The following MAP3K5 variants were observed in gnomAD, a reference collection of about 807,000 sequenced individuals.
The protein encoded by MAP3K5 is ASK-1.
MAP3K5 carries 56 observed loss-of-function variants against 158.7 expected under a neutral mutation model. The ratio of observed to expected loss-of-function variants is 0.35; its 90% confidence interval spans 0.28 to 0.44. The LOEUF (loss-of-function observed/expected upper bound fraction) is 0.44. Among genes scored for constraint, MAP3K5 ranks in the 20% least tolerant of loss-of-function variants. The pLI, the probability that MAP3K5 is intolerant of heterozygous loss-of-function variation, is 1.00. For synonymous variants in MAP3K5, 579 were observed against 601.7 expected, an observed-to-expected ratio of 0.96 and a Z score of 0.55; for missense variants, 1,294 against 1,674.8, an observed-to-expected ratio of 0.77 and a Z score of 3.97.
In MAP3K5 at chr6:136,605,343, C is replaced by G. The variant is rs768905782; in HGVS notation, c.2545G>C (p.Glu849Gln). 1.2e-6 allele frequency: 2 copies of G among 1,613,890 alleles called. No homozygotes were observed. The highest frequency in any genetic ancestry group is 1.7e-6 in the Non-Finnish European group (2 of 1,179,892). The change falls in exon 19 of 30, where the codon GAA (glutamate) becomes CAA (glutamine). Residue 849 changes from glutamate to glutamine, a missense_variant. By Grantham distance (29) the Glu-to-Gln change is conservative (BLOSUM62 2). Coordinates refer to ENST00000359015, the MANE Select transcript of MAP3K5 (RefSeq NM_005923.4). ...CCTCTTGGTCCTTTATCTATTATTT[C>G]TGGTGCCATATACTGGAGGGTACCT... ...FTGTLQYMAP[E>Q]IIDKGPRGYG...
chr6:136,739,406 C>T (rs927571015), intron 1 of MAP3K5, among the ~76,000 whole-genome samples: 4 of 152,168 alleles, frequency 2.6e-5, no homozygotes. Context: ...AAAGAGGTGT[C>T]AATGAACATC....
intron 14 of MAP3K5, among the ~76,000 whole-genome samples, chr6:136,625,926 A>T (rs192201819): frequency 1.3e-5 from 2 of 151,264 alleles, no homozygotes; most frequent in Non-Finnish European, 2.9e-5. Flanking sequence ...AAGATATTCT[A>T]AAAAAGGCCA....
In MAP3K5 at chr6:136,648,513, A is replaced by G. The variant is rs375351904; in HGVS notation, c.1788+2471T>C. Among the ~76,000 whole-genome samples the G allele has an allele frequency of 2.7e-4, 41 of 152,298 alleles. 3 individuals are homozygous for G. Among genetic ancestry groups the G allele is most frequent in the Admixed American group, 1.5e-3 (23 of 15,294 alleles). On this transcript the variant is annotated intron_variant, in intron 11 of 29. Coordinates refer to ENST00000359015, the MANE Select transcript of MAP3K5 (RefSeq NM_005923.4). The stretch of plus-strand genomic sequence containing the variant: ...CTTGGTGTTGAGAGCATGAGAATGG[A>G]TGTTTTTCTCCATGCTTATTATGTA...
At chr6:136,700,486 A>G (rs529292964) in intron 3 of MAP3K5, among the ~76,000 whole-genome samples, 1 of 152,370 alleles carries the variant, frequency 6.6e-6, no homozygotes, top group South Asian at 2.1e-4. Flanking sequence ...AAGAATTCAG[A>G]AAGCAGAACC....
At chr6:136,646,340 C>A (rs2114358370) in intron 11 of MAP3K5, among the ~76,000 whole-genome samples, 1 of 152,234 alleles carries the variant, frequency 6.6e-6, no homozygotes, top group South Asian at 2.1e-4. Context: ...TAATATATAT[C>A]CTAATATTTC....
intron 12 of MAP3K5, among the ~76,000 whole-genome samples, chr6:136,641,574 G>A (rs1184097201): frequency 6.6e-6 from 1 of 151,394 alleles, no homozygotes. Context: ...CATTGTGACA[G>A]CAGTCAGAAC....
intron 1 of MAP3K5, among the ~76,000 whole-genome samples, chr6:136,722,406 T>C (rs1781780293): frequency 6.6e-6 from 1 of 152,138 alleles, no homozygotes; most frequent in South Asian, 2.1e-4. Context: ...TTATGATCAA[T>C]TTAAAATAAC....
chr6:136,616,449 C>T (rs1387036358), intron 15 of MAP3K5, among the ~76,000 whole-genome samples: 2 of 151,558 alleles, frequency 1.3e-5, no homozygotes, highest in African/African-American at 2.4e-5. Context: ...GGATTACAGG[C>T]GCCTGCCACC....
chr6:136,657,705 T>C (rs941974878), intron 9 of MAP3K5, among the ~76,000 whole-genome samples: 1 of 152,044 alleles, frequency 6.6e-6, no homozygotes, highest in African/African-American at 2.4e-5. Flanking sequence ...AGAAGGGACT[T>C]GGGTGTGAGG....
At chr6:136,579,070 A>T (rs1330644954) in intron 25 of MAP3K5, among the ~76,000 whole-genome samples, 1 of 152,048 alleles carries the variant, frequency 6.6e-6, no homozygotes, top group Non-Finnish European at 1.5e-5. Context: ...TTTTAAATTT[A>T]TATTTCAGAA....
At position 136,691,922 on chromosome 6, in the gene MAP3K5, CATT is replaced by C. The variant is rs1235985452; in HGVS notation, c.1253+2215_1253+2217del. Among the ~76,000 whole-genome samples the C allele has an allele frequency of 2.4e-4, 36 of 152,148 alleles. No homozygotes were observed. In the Middle Eastern group the frequency reaches 0.017, roughly 72 times the overall value. On this transcript the variant is annotated intron_variant, in intron 7 of 29. Transcript: ENST00000359015. The stretch of plus-strand genomic sequence containing the variant: ...CAAGTAGATTCTTTGATATAATTAT[CATT>C]GTTATTTTTATGTCCTTGTCTGGTA...
chr6:136,656,000 T>C (rs1778728557), intron 10 of MAP3K5, among the ~76,000 whole-genome samples: 1 of 152,090 alleles, frequency 6.6e-6, no homozygotes, highest in Admixed American at 6.6e-5. Context: ...AAAGCATACA[T>C]CGGGCTGGCA....
At chr6:136,666,931 GTT>G (rs1478261314) in intron 8 of MAP3K5, among the ~76,000 whole-genome samples, 1 of 152,036 alleles carries the variant, frequency 6.6e-6, no homozygotes, top group African/African-American at 2.4e-5. Flanking sequence ...GTTTTCAAAT[GTT>G]TGTTTAACAT....
At chr6:136,677,837 A>G (rs1434845237) in intron 7 of MAP3K5, among the ~76,000 whole-genome samples, 1 of 152,248 alleles carries the variant, frequency 6.6e-6, no homozygotes, top group Admixed American at 6.5e-5. Context: ...AGCTGTGATT[A>G]ACATCAAATG....
intron 9 of MAP3K5, among the ~76,000 whole-genome samples, chr6:136,656,717 C>T (rs916639438): frequency 2.1e-4 from 32 of 151,866 alleles, no homozygotes; most frequent in Non-Finnish European, 2.4e-4. Context: ...CTCCGCCTGC[C>T]GGGTTCATGC....
chr6:136,676,874 C>T (rs976466846), intron 7 of MAP3K5, among the ~76,000 whole-genome samples: 3 of 150,758 alleles, frequency 2.0e-5, no homozygotes, highest in African/African-American at 7.3e-5. Context: ...TTGCTGCAAC[C>T]TCCGCCTCCT....
intron 15 of MAP3K5, among the ~76,000 whole-genome samples, chr6:136,615,437 A>G (rs137965120): frequency 0.012 from 1,855 of 151,914 alleles, 42 homozygotes; most frequent in African/African-American, 0.042. Flanking sequence ...AGTCCCTGTG[A>G]CTCTGTTTTG....
At chr6:136,778,457 G>A (rs1283426703) in intron 1 of MAP3K5, among the ~76,000 whole-genome samples, 1 of 152,082 alleles carries the variant, frequency 6.6e-6, no homozygotes. Context: ...AATCTTGCAT[G>A]TTGTAGGCTC....
At chr6:136,727,963 A>G (rs1782043634) in intron 1 of MAP3K5, among the ~76,000 whole-genome samples, 3 of 109,454 alleles carry the variant, frequency 2.7e-5, no homozygotes, top group South Asian at 2.7e-4. Flanking sequence ...CTCCGCCTCA[A>G]AGAAAAAAAA....
Sources: gnomAD v4.1 joint callset for allele counts (sites outside exome capture counted in the v4.1 genomes callset) on GRCh38, gnomAD v4.1.1 for gene constraint, MANE v1.5 for transcripts, NCBI Gene and HGNC (gene_info 2026-07-23, HGNC 2026-07-21) for gene names.